The following YIPF5 variants were observed in gnomAD, a reference collection of about 807,000 sequenced individuals.
YIPF5 encodes Yip1 domain family member 5.
A neutral mutation model predicts 30.4 loss-of-function variants in YIPF5; 8 were observed. The observed-to-expected ratio is 0.26, with a 90% confidence interval of 0.15 to 0.47. The LOEUF (loss-of-function observed/expected upper bound fraction) is 0.47. YIPF5 is among the 20% of genes least tolerant of loss of function. The pLI, the probability that YIPF5 is intolerant of heterozygous loss-of-function variation, is 0.99. For synonymous variants in YIPF5, 104 were observed against 107.9 expected (o/e 0.96, Z 0.23); for missense variants, 282 against 301.8 (o/e 0.93, Z 0.49).
At position 144,160,623 on chromosome 5, in the gene YIPF5, ATAC is replaced by A. The variant is rs1287416481; in HGVS notation, c.612-67_612-65del. The A allele has an allele frequency of 3.7e-4, 500 of 1,361,238 alleles. 8 individuals carry two copies. In the Middle Eastern group the frequency reaches 0.013, roughly 36 times the overall value. 84.3% of individuals were successfully genotyped at this position (1,361,238 alleles called of 1,614,324 possible). A position where few individuals can be genotyped will look rare whatever the true frequency, so the allele number is the denominator to read the frequency against. On this transcript the variant is annotated intron_variant, in intron 5 of 5. Coordinates refer to ENST00000274496, the MANE Select transcript of YIPF5 (RefSeq NM_030799.9). ...AGCAGATGAGATTAGTTATGTAAGA[ATAC>A]TACAATAACCTATTCTAAAGCATTT... is the stretch of plus-strand genomic sequence containing the variant.
rs1390464247 is a variant in YIPF5 at position 144,159,899 on chromosome 5, G to A, written c.*498C>T. ...TTTTTTTTGTAGTTTTAGTAGAGTC[G>A]GGGTTTCACCGTGTTAACCAGGATG... On this transcript the variant is annotated 3_prime_UTR_variant, in exon 6 of 6. Transcript: ENST00000274496. The A allele has an allele frequency of 5.8e-6, 4 of 690,618 alleles. No homozygotes were observed. The highest frequency in any genetic ancestry group is 5.3e-6 in the Non-Finnish European group (3 of 560,958). The allele number at this position is 690,618 out of a possible 1,614,324, so 42.8% of individuals were successfully genotyped here.
At chr5:144,163,502 A>G (rs1037241970) in intron 4 of YIPF5, among the ~76,000 whole-genome samples, 5 of 152,210 alleles carry the variant, frequency 3.3e-5, no homozygotes, top group Non-Finnish European at 5.9e-5. Context: ...ATGTGGCCAA[A>G]GGCTGATCAG....
intron 2 of YIPF5, among the ~76,000 whole-genome samples, chr5:144,166,808 A>C (rs1752215124): frequency 6.6e-6 from 1 of 152,144 alleles, no homozygotes. Flanking sequence ...AGGGTTTAAT[A>C]AAAAGATAAT....
At chr5:144,168,349 A>G (rs1295756446) in intron 2 of YIPF5, among the ~76,000 whole-genome samples, 1 of 152,206 alleles carries the variant, frequency 6.6e-6, no homozygotes, top group African/African-American at 2.4e-5. Flanking sequence ...TGCAATCTAA[A>G]TGGAATAGCT....
chr5:144,165,311 G>C (rs1752170233), intron 3 of YIPF5, 121 bp downstream of exon 3: 1 of 1,350,908 alleles, frequency 7.4e-7, no homozygotes, highest in African/African-American at 1.5e-5. Flanking sequence ...TTGTTTAGCA[G>C]AAAACTTTTT....
rs1452665332 is a variant in YIPF5 at position 144,159,024 on chromosome 5, A to G, written c.*1373T>C. 1.5e-5 allele frequency: 15 copies of G among 984,738 alleles called. No individual in the cohort carries two copies. The highest frequency in any genetic ancestry group is 1.8e-5 in the Non-Finnish European group (15 of 829,440). 61.0% of individuals were successfully genotyped at this position (984,738 alleles called of 1,614,324 possible). Reference sequence around the variant, plus strand: ...GTTTTTCTAGAAAAAGCCAATGATCAGTATACAAGATACAGTATTTTCCTA... The same window carrying G: ...GTTTTTCTAGAAAAAGCCAATGATCGGTATACAAGATACAGTATTTTCCTA... On this transcript the variant is annotated 3_prime_UTR_variant, in exon 6 of 6. Transcript: ENST00000274496.
intron 3 of YIPF5, among the ~76,000 whole-genome samples, chr5:144,164,510 G>A (rs76670447): frequency 0.035 from 5,249 of 151,834 alleles, 113 homozygotes; most frequent in Middle Eastern, 0.061. Flanking sequence ...CCTCAGCCTC[G>A]TGAGTAGCTG....
intron 1 of YIPF5, among the ~76,000 whole-genome samples, 167 bp from the exon 2 acceptor site, chr5:144,170,132 AGAGT>A (rs772099214): frequency 2.6e-5 from 4 of 152,218 alleles, no homozygotes; most frequent in Admixed American, 1.3e-4. Flanking sequence ...TAGCGGAGAG[AGAGT>A]AAGAAAATGT....
intron 4 of YIPF5, 58 bp from the exon 5 acceptor site, chr5:144,162,457 T>C (rs1272379739): frequency 3.4e-6 from 5 of 1,473,820 alleles, no homozygotes; most frequent in Non-Finnish European, 4.6e-6. Context: ...TCTGGCCTTA[T>C]TTCACCTGAA....
chr5:144,169,821 T>C lies in YIPF5; in HGVS notation c.110+25A>G, dbSNP rs773200183. On this transcript the variant is annotated intron_variant, in intron 2 of 5. Coordinates refer to ENST00000274496, the MANE Select transcript of YIPF5 (RefSeq NM_030799.9). ...TGTTTTCACTGCAATGTAGACTAAATTAATTGCCAAAGATGAAAAGTTACT... is the reference window on the plus strand; with the variant it reads ...TGTTTTCACTGCAATGTAGACTAAACTAATTGCCAAAGATGAAAAGTTACT... 2.5e-6 allele frequency: 4 copies of C among 1,588,226 alleles called. 1 individual carries two copies. In the South Asian group the frequency reaches 3.3e-5, roughly 13 times the overall value.
At chr5:144,170,251 A>G in intron 1 of YIPF5, 2 of 376,936 alleles carry the variant, frequency 5.3e-6, no homozygotes, top group South Asian at 5.7e-5. Context: ...TAAGCGGTCT[A>G]AAATATCAAT....
chr5:144,168,704 T>C (rs1387429922), intron 2 of YIPF5, among the ~76,000 whole-genome samples: 3 of 152,122 alleles, frequency 2.0e-5, no homozygotes, highest in Admixed American at 6.5e-5. Flanking sequence ...AGCCTTAAAA[T>C]ATACCAAATT....
At chr5:144,166,268 T>C (rs928062585) in intron 2 of YIPF5, among the ~76,000 whole-genome samples, 5 of 152,342 alleles carry the variant, frequency 3.3e-5, no homozygotes, top group East Asian at 1.9e-4. Context: ...TATACACTTA[T>C]TGTCTCATTT....
Position 144,159,617 on chromosome 5 carries a change from TTGC to T in YIPF5, c.*777_*779del, listed in dbSNP as rs1751970056. The T allele has an allele frequency of 7.1e-6, 7 of 985,394 alleles. No homozygotes were observed. In the South Asian group the frequency reaches 3.3e-4, roughly 46 times the overall value. The allele number at this position is 985,394 out of a possible 1,614,324, so 61.0% of individuals were successfully genotyped here. A position where few individuals can be genotyped will look rare whatever the true frequency, so the allele number is the denominator to read the frequency against. On this transcript the variant is annotated 3_prime_UTR_variant, in exon 6 of 6. Coordinates refer to ENST00000274496, the MANE Select transcript of YIPF5 (RefSeq NM_030799.9). Reference sequence around the variant, plus strand: ...CATACTCTACATTTGGATCACTTTTTTGCTTTGAGTTACCTGACTTGAGAATAC... The same window carrying T: ...CATACTCTACATTTGGATCACTTTTTTTTGAGTTACCTGACTTGAGAATAC...
In YIPF5 at chr5:144,160,278, C is replaced by A; in HGVS notation, c.*119G>T. ...AGATACACGTTTACTTTCATTGCTC[C>A]AACAGTCAAATGTAAATCTGCATGA... On this transcript the variant is annotated 3_prime_UTR_variant, in exon 6 of 6. Transcript: ENST00000274496. 1 of 1,495,134 alleles carries A rather than the reference C, an allele frequency of 6.7e-7. No homozygotes were observed. The highest frequency in any genetic ancestry group is 8.9e-7 in the Non-Finnish European group (1 of 1,122,926). The allele number at this position is 1,495,134 out of a possible 1,614,324, so 92.6% of individuals were successfully genotyped here. A position where few individuals can be genotyped will look rare whatever the true frequency, so the allele number is the denominator to read the frequency against.
intron 5 of YIPF5, among the ~76,000 whole-genome samples, chr5:144,161,318 G>C (rs1234247230): frequency 7.6e-6 from 1 of 131,876 alleles, no homozygotes; most frequent in Non-Finnish European, 1.6e-5. Context: ...TGGCGGTAAT[G>C]TATACCTTTC....
At position 144,159,555 on chromosome 5, in the gene YIPF5, T is replaced by C. The variant is rs1477454834; in HGVS notation, c.*842A>G. ...GAATTTTAGCAAAAATTCCATGAGATAATTTACAGTAATGTCAAATTTTTG... is the reference window on the plus strand; with the variant it reads ...GAATTTTAGCAAAAATTCCATGAGACAATTTACAGTAATGTCAAATTTTTG... On this transcript the variant is annotated 3_prime_UTR_variant, in exon 6 of 6. Coordinates refer to ENST00000274496, the MANE Select transcript of YIPF5 (RefSeq NM_030799.9). 5 of 985,296 alleles carry C rather than the reference T, an allele frequency of 5.1e-6. No homozygotes were observed. The African/African-American group carries it at 7.0e-5, about 14-fold the overall frequency. The allele number at this position is 985,296 out of a possible 1,614,324, so 61.0% of individuals were successfully genotyped here.
intron 1 of YIPF5, 106 bp from the exon 2 acceptor site, chr5:144,170,071 G>A: frequency 2.3e-6 from 2 of 858,862 alleles, no homozygotes; most frequent in East Asian, 2.6e-5. Context: ...TATTTTTTCA[G>A]TAATTCGGAG....
intron 5 of YIPF5, among the ~76,000 whole-genome samples, chr5:144,161,418 C>T (rs1272577551): frequency 2.1e-5 from 3 of 142,706 alleles, no homozygotes; most frequent in Non-Finnish European, 4.5e-5. Flanking sequence ...GATCTCGGCT[C>T]ACTGCAACCT....
Sources: allele counts gnomAD v4.1 joint callset (sites outside exome capture counted in the v4.1 genomes callset), GRCh38; gene constraint gnomAD v4.1.1; transcripts MANE v1.5; gene names NCBI Gene and HGNC (gene_info 2026-07-23, HGNC 2026-07-21).